The following PTPRM variants were observed in gnomAD, a reference collection of about 807,000 sequenced individuals.
PTPRM encodes the protein protein tyrosine phosphatase receptor type M.
A neutral mutation model predicts 186.7 loss-of-function variants in PTPRM; 47 were observed. That is an observed-to-expected ratio of 0.25 (90% CI 0.20 to 0.32). The LOEUF (loss-of-function observed/expected upper bound fraction) is 0.32. PTPRM is among the 10% of genes least tolerant of loss of function. The pLI is 1.00. For missense variants in PTPRM, 1,494 were observed against 1,865.0 expected, an observed-to-expected ratio of 0.80 and a Z score of 3.66; for synonymous variants, 668 against 674.9, an observed-to-expected ratio of 0.99 and a Z score of 0.16.
At chr18:8,319,288 C>A in intron 22 of PTPRM, 74 bp downstream of exon 22, 1 of 1,107,518 alleles carries the variant, frequency 9.0e-7, no homozygotes, top group South Asian at 1.4e-5. Flanking sequence ...CCCACTTCAC[C>A]CTCCTTCAGG....
At chr18:8,319,342 A>C (rs1601789031) in intron 22 of PTPRM, 128 bp downstream of exon 22, 1 of 605,958 alleles carries the variant, frequency 1.7e-6, no homozygotes, top group Non-Finnish European at 2.8e-6. Flanking sequence ...CGGCAGGTAC[A>C]CTCTTGCCTT....
intron 30 of PTPRM, among the ~76,000 whole-genome samples, chr18:8,386,809 C>T (rs1305306924): frequency 6.6e-6 from 1 of 152,094 alleles, no homozygotes; most frequent in Non-Finnish European, 1.5e-5. Flanking sequence ...TGTTATTTTT[C>T]TCTTGGCTTT....
intron 4 of PTPRM, among the ~76,000 whole-genome samples, chr18:7,921,707 G>A (rs937274903): frequency 2.7e-5 from 4 of 150,300 alleles, no homozygotes; most frequent in Non-Finnish European, 4.4e-5. Context: ...TTCAGCAAAT[G>A]TATTTCTTAG....
chr18:7,990,047 G>T (rs888821040), intron 7 of PTPRM, among the ~76,000 whole-genome samples: 1 of 152,144 alleles, frequency 6.6e-6, no homozygotes, highest in Non-Finnish European at 1.5e-5. Context: ...GGGATTACAG[G>T]CATGCACCAC....
intron 14 of PTPRM, among the ~76,000 whole-genome samples, chr18:8,170,286 C>T (rs755893848): frequency 2.0e-5 from 3 of 152,070 alleles, no homozygotes; most frequent in Admixed American, 6.6e-5. Flanking sequence ...GAGAGCCTCC[C>T]GAAATCTAGA....
intron 23 of PTPRM, among the ~76,000 whole-genome samples, chr18:8,353,406 A>G (rs1459172): frequency 0.072 from 10,907 of 152,268 alleles, 1,005 homozygotes; most frequent in East Asian, 0.34. Context: ...GAGAAAGGCT[A>G]TGGAAGAGTA....
chr18:8,337,841 A>G (rs894474761), intron 22 of PTPRM, among the ~76,000 whole-genome samples: 1 of 152,196 alleles, frequency 6.6e-6, no homozygotes, highest in Non-Finnish European at 1.5e-5. Context: ...GACACAGTCC[A>G]GGCACAGACT....
Position 7,634,944 on chromosome 18 carries a change from C to G in PTPRM, c.73+67053C>G, listed in dbSNP as rs181844114. 5.9e-5 allele frequency among the ~76,000 whole-genome samples: 9 copies of G among 152,152 alleles called. No homozygotes were observed. In the East Asian group the frequency reaches 1.4e-3, roughly 23 times the overall value. ...TATTAAATGTCCCTAAGATAATAAG[C>G]AATGAATTATTAATGTATCACACAG... On this transcript the variant is annotated intron_variant, in intron 1 of 32. Coordinates refer to ENST00000580170, the MANE Select transcript of PTPRM (RefSeq NM_001105244.2).
In PTPRM at chr18:8,007,059, G is replaced by A. The variant is rs149866389; in HGVS notation, c.1132+51645G>A. On this transcript the variant is annotated intron_variant, in intron 7 of 32. Coordinates refer to ENST00000580170, the MANE Select transcript of PTPRM (RefSeq NM_001105244.2). ...GTGTTAAACCGCATCATTCCCTCTA[G>A]ATAATTATCCTTTGCATAGCTTATC... 9.5e-3 allele frequency among the ~76,000 whole-genome samples: 1,453 copies of A among 152,226 alleles called. 7 individuals carry two copies. Among genetic ancestry groups the A allele is most frequent in the South Asian group, 0.033 (161 of 4,814 alleles).
chr18:7,961,924 T>A (rs74734266), intron 7 of PTPRM, among the ~76,000 whole-genome samples: 4,632 of 152,284 alleles, frequency 0.03, 231 homozygotes, highest in African/African-American at 0.11. Context: ...TAATAAAAAC[T>A]TGGAATATGT....
At chr18:8,388,498 T>C (rs914298252) in intron 31 of PTPRM, among the ~76,000 whole-genome samples, 2 of 152,114 alleles carry the variant, frequency 1.3e-5, no homozygotes, top group East Asian at 3.9e-4. Flanking sequence ...CACGATAGTG[T>C]CTCATCCTGC....
In PTPRM at chr18:7,609,133, T is replaced by C. The variant is rs201591695; in HGVS notation, c.73+41242T>C. ...CCTAGTGTATACTTTCTAGCTAATG[T>C]CATTTCAAGCTAAAAATAAGTCTGG... On this transcript the variant is annotated intron_variant, in intron 1 of 32. Transcript: ENST00000580170. Among the ~76,000 whole-genome samples, 10 of 152,218 alleles carry C rather than the reference T, an allele frequency of 6.6e-5. No individual in the cohort carries two copies. In the East Asian group the frequency reaches 1.9e-3, roughly 29 times the overall value.
chr18:7,894,851 C>T (rs574363514), intron 3 of PTPRM, among the ~76,000 whole-genome samples: 197 of 152,134 alleles, frequency 1.3e-3, no homozygotes, highest in African/African-American at 4.6e-3. Context: ...ACAATTATTA[C>T]GTAGGCTGCA....
chr18:8,113,710 C>T lies in PTPRM; in HGVS notation c.2081C>T (p.Pro694Leu). Residue 694 changes from proline to leucine, a missense_variant, in exon 12 of 33, where the codon CCC becomes CTC. Transcript: ENST00000580170. ...GGATACTGGAACACTCCCCTTCTCC[C>T]CTATAAAAGCTACAGAATTTATTTC... ...YNGYWNTPLL[P>L]YKSYRIYFQA... 3 of 1,613,802 alleles carry T rather than the reference C, an allele frequency of 1.9e-6. No homozygotes were observed. Among genetic ancestry groups the T allele is most frequent in the Non-Finnish European group, 2.5e-6 (3 of 1,179,764 alleles).
chr18:7,763,121 A>G (rs2041852993), intron 1 of PTPRM, among the ~76,000 whole-genome samples: 1 of 152,196 alleles, frequency 6.6e-6, no homozygotes, highest in South Asian at 2.1e-4. Flanking sequence ...CAATAAAGTC[A>G]TCCCCTGCAC....
At chr18:7,748,091 T>A (rs2144573125) in intron 1 of PTPRM, among the ~76,000 whole-genome samples, 1 of 152,312 alleles carries the variant, frequency 6.6e-6, no homozygotes, top group East Asian at 1.9e-4. Context: ...AAGGACTATA[T>A]TTCCTAGTCC....
chr18:8,314,779 A>G lies in PTPRM; in HGVS notation c.2843-2A>G, dbSNP rs2095296181. 6.2e-7 allele frequency: 1 copy of G among 1,610,932 alleles called. No homozygotes were observed. Among genetic ancestry groups the G allele is most frequent in the Admixed American group, 1.7e-5 (1 of 59,816 alleles). On this transcript the variant is annotated splice_acceptor_variant, in intron 20 of 32. Coordinates refer to ENST00000580170, the MANE Select transcript of PTPRM (RefSeq NM_001105244.2). LOFTEE classifies it high-confidence loss of function. ...TTATTTTCTGTCCCTTTTCCTTTGCAGACGATCATTCCCGAGTGAGGCTGC... is the reference window on the plus strand; with the variant it reads ...TTATTTTCTGTCCCTTTTCCTTTGCGGACGATCATTCCCGAGTGAGGCTGC...
chr18:7,945,119 C>T (rs2052431062), intron 5 of PTPRM, among the ~76,000 whole-genome samples: 1 of 152,016 alleles, frequency 6.6e-6, no homozygotes. Context: ...CTAGCACACT[C>T]AGCCCCCTCA....
At chr18:8,259,670 G>C (rs1234359377) in intron 19 of PTPRM, among the ~76,000 whole-genome samples, 1 of 151,210 alleles carries the variant, frequency 6.6e-6, no homozygotes, top group Admixed American at 6.6e-5. Flanking sequence ...TTGTGACTTA[G>C]TCTCACTCTG....
Sources: gnomAD v4.1 joint callset for allele counts (sites outside exome capture counted in the v4.1 genomes callset) on GRCh38, gnomAD v4.1.1 for gene constraint, MANE v1.5 for transcripts, NCBI Gene and HGNC (gene_info 2026-07-23, HGNC 2026-07-21) for gene names.